MYOM1: variants seen among roughly 807,000 people sequenced by gnomAD.
The protein encoded by MYOM1 is myomesin 1, also known as myomesin-1.
Under a neutral mutation model 205.3 loss-of-function variants are expected in MYOM1, and 164 were observed. The ratio of observed to expected loss-of-function variants is 0.80; its 90% confidence interval spans 0.70 to 0.91. The LOEUF (loss-of-function observed/expected upper bound fraction) is 0.91. MYOM1 is among the 40% of genes least tolerant of loss of function. MYOM1 has a pLI of 0.00. For missense variants in MYOM1, 2,011 were observed against 2,127.3 expected (o/e 0.95, Z 1.08); for synonymous variants, 772 against 789.4 (o/e 0.98, Z 0.37).
At chr18:3,109,809 T>C (rs1338845853) in intron 22 of MYOM1, among the ~76,000 whole-genome samples, 1 of 152,210 alleles carries the variant, frequency 6.6e-6, no homozygotes, top group Non-Finnish European at 1.5e-5. Context: ...TCTTTTCTAA[T>C]AGAGACAGGT....
At chr18:3,193,299 C>T (rs1223805936) in intron 3 of MYOM1, among the ~76,000 whole-genome samples, 3 of 141,204 alleles carry the variant, frequency 2.1e-5, no homozygotes, top group African/African-American at 6.0e-5. Context: ...TATACATATA[C>T]ATACATATAT....
rs139266752 is a variant in MYOM1 at position 3,217,574 on chromosome 18, T to C, written c.-29+2229A>G. Among the ~76,000 whole-genome samples, 665 of 152,254 alleles carry C rather than the reference T, an allele frequency of 4.4e-3. 7 individuals carry two copies. Among genetic ancestry groups the C allele is most frequent in the South Asian group, 0.014 (66 of 4,828 alleles). On this transcript the variant is annotated intron_variant, in intron 1 of 37. Transcript: ENST00000356443. ...GCAGGAGAGAGGTCCAGGATGCAGATATACATTTGGGAGTCAACAGCATAT... is the reference window on the plus strand; with the variant it reads ...GCAGGAGAGAGGTCCAGGATGCAGACATACATTTGGGAGTCAACAGCATAT...
chr18:3,191,856 C>T (rs929529924), intron 3 of MYOM1, among the ~76,000 whole-genome samples: 31 of 151,492 alleles, frequency 2.0e-4, no homozygotes, highest in Admixed American at 2.0e-4. Context: ...CCACCACGCC[C>T]GGCTAATTTT....
intron 36 of MYOM1, among the ~76,000 whole-genome samples, chr18:3,074,703 C>T (rs2079000606): frequency 1.3e-5 from 2 of 152,186 alleles, no homozygotes; most frequent in Admixed American, 1.3e-4. Flanking sequence ...TATTTGGTAG[C>T]TTTTATCTCG....
At chr18:3,192,942 C>T (rs530155418) in intron 3 of MYOM1, among the ~76,000 whole-genome samples, 1 of 151,976 alleles carries the variant, frequency 6.6e-6, no homozygotes, top group Non-Finnish European at 1.5e-5. Flanking sequence ...TATTTTTCAG[C>T]TACCTAAATG....
At chr18:3,190,217 T>G (rs1312386472) in intron 3 of MYOM1, among the ~76,000 whole-genome samples, 3 of 152,250 alleles carry the variant, frequency 2.0e-5, no homozygotes, top group African/African-American at 7.2e-5. Context: ...TTTAACATAT[T>G]TCAATGCCTT....
chr18:3,072,350 C>CTTTTTTTTTTTTTT lies in MYOM1; in HGVS notation c.4709-475_4709-462dup, dbSNP rs78331937. On this transcript the variant is annotated intron_variant, in intron 36 of 37. Coordinates refer to ENST00000356443, the MANE Select transcript of MYOM1 (RefSeq NM_003803.4). ...AGCAGGCGTGAGCCACCGCACCCGG[C>CTTTTTTTTTTTTTT]TTTTTTTTTTTTTTTTTTTTTGAGG... Among the ~76,000 whole-genome samples, 495 of 56,198 alleles carry CTTTTTTTTTTTTTT rather than the reference C, an allele frequency of 8.8e-3. 113 individuals carry two copies. Among genetic ancestry groups the CTTTTTTTTTTTTTT allele is most frequent in the African/African-American group, 0.017 (187 of 10,708 alleles). 36.9% of individuals were successfully genotyped at this position (56,198 alleles called of 152,430 possible).
At chr18:3,153,983 C>CT (rs1201771924) in intron 11 of MYOM1, among the ~76,000 whole-genome samples, 2 of 152,114 alleles carry the variant, frequency 1.3e-5, no homozygotes, top group Non-Finnish European at 2.9e-5. Flanking sequence ...ATCAGAGCCT[C>CT]TAAGTTTTGG....
At position 3,137,555 on chromosome 18, in the gene MYOM1, AAGTC is replaced by A. The variant is rs780402799; in HGVS notation, c.2026-1829_2026-1826del. 2.0e-5 allele frequency among the ~76,000 whole-genome samples: 3 copies of A among 152,198 alleles called. No individual in the cohort carries two copies. In the East Asian group the frequency reaches 5.8e-4, roughly 29 times the overall value. ...ATAATTGGAGGTCGCTAAGTGAAAT[AAGTC>A]AGGCACATAAAGACAAATATCTCAT... On this transcript the variant is annotated intron_variant, in intron 14 of 37. Transcript: ENST00000356443.
Position 3,142,041 on chromosome 18 carries a change from C to A in MYOM1, c.1923G>T (p.Pro641=), listed in dbSNP as rs372487842. ...TGGCCTCAGTGACAGAGAGGTCTGTCGGGGGGCCAGGCACAATACCCTCTG... is the reference window on the plus strand; with the variant it reads ...TGGCCTCAGTGACAGAGAGGTCTGTAGGGGGGCCAGGCACAATACCCTCTG... The part of the protein sequence containing the change: ...EPSEGIVPGP[P]TDLSVTEATR... The change falls in exon 14 of 38, where the codon CCG becomes CCT. Residue 641 remains proline, a synonymous_variant. Transcript: ENST00000356443. 2 of 1,613,594 alleles carry A rather than the reference C, an allele frequency of 1.2e-6. No homozygotes were observed. The highest frequency in any genetic ancestry group is 1.3e-5 in the African/African-American group (1 of 74,960).
intron 2 of MYOM1, among the ~76,000 whole-genome samples, chr18:3,199,034 A>C (rs886810009): frequency 6.6e-6 from 1 of 152,200 alleles, no homozygotes; most frequent in Non-Finnish European, 1.5e-5. Context: ...CACTACACTG[A>C]GAATTCGCTA....
At chr18:3,149,288 T>G in intron 12 of MYOM1, 87 bp from the exon 13 acceptor site, 3 of 1,093,196 alleles carry the variant, frequency 2.7e-6, no homozygotes, top group Non-Finnish European at 2.7e-6. Context: ...GTGGCCAGAT[T>G]AGTCACAACT....
At chr18:3,201,680 C>A (rs1478660765) in intron 2 of MYOM1, among the ~76,000 whole-genome samples, 1 of 148,114 alleles carries the variant, frequency 6.8e-6, no homozygotes, top group African/African-American at 2.5e-5. Flanking sequence ...CAGAGTCTTG[C>A]TCTGTCACCC....
chr18:3,110,234 C>CGT (rs573545003), intron 22 of MYOM1, among the ~76,000 whole-genome samples: 6 of 151,658 alleles, frequency 4.0e-5, no homozygotes, highest in African/African-American at 1.2e-4. Context: ...TGGGGGTGTG[C>CGT]GTGTGTGTGT....
chr18:3,128,248 T>G (rs1420126262), intron 18 of MYOM1, among the ~76,000 whole-genome samples: 1 of 152,228 alleles, frequency 6.6e-6, no homozygotes, highest in Non-Finnish European at 1.5e-5. Context: ...GTTGAATATG[T>G]GCTCTCAAAT....
chr18:3,165,945 A>C (rs969247058), intron 9 of MYOM1, among the ~76,000 whole-genome samples: 3 of 152,220 alleles, frequency 2.0e-5, no homozygotes, highest in African/African-American at 7.2e-5. Context: ...CATGTGCACA[A>C]CTGAAGACCA....
chr18:3,243,095 A>G, the MYOM1 span, among the ~76,000 whole-genome samples: 1 of 152,162 alleles, frequency 6.6e-6, no homozygotes, highest in African/African-American at 2.4e-5. Context: ...AAGTTTTTTA[A>G]AAAGCAATTC....
chr18:3,130,442 AT>A (rs1467939022), intron 17 of MYOM1, among the ~76,000 whole-genome samples: 1 of 152,114 alleles, frequency 6.6e-6, no homozygotes, highest in Non-Finnish European at 1.5e-5. Context: ...TATATAATAA[AT>A]TTTATTTTAT....
rs2143643743 is a variant in MYOM1 at position 3,075,647 on chromosome 18, C to G, written c.4685+78G>C. 2.7e-6 allele frequency: 4 copies of G among 1,507,694 alleles called. No individual in the cohort carries two copies. In the South Asian group the frequency reaches 3.4e-5, roughly 13 times the overall value. The allele number at this position is 1,507,694 out of a possible 1,614,324, so 93.4% of individuals were successfully genotyped here. A position where few individuals can be genotyped will look rare whatever the true frequency, so the allele number is the denominator to read the frequency against. On this transcript the variant is annotated intron_variant, in intron 35 of 37. Transcript: ENST00000356443. ...CTGAAATAAAAGGCTCTTTCTAACA[C>G]TCAGAGGGGCGAGCAGCATGCAAGC...
Sources: gnomAD v4.1 joint callset for allele counts (sites outside exome capture counted in the v4.1 genomes callset) on GRCh38, gnomAD v4.1.1 for gene constraint, MANE v1.5 for transcripts, NCBI Gene and HGNC (gene_info 2026-07-23, HGNC 2026-07-21) for gene names.